The following DRC11L variants were observed in gnomAD, a reference collection of about 807,000 sequenced individuals.
DRC11L encodes dynein regulatory complex subunit like-11.
the DRC11L span, chr7:151,195,503 C>T: frequency 6.3e-5 from 25 of 399,710 alleles, no homozygotes; most frequent in South Asian, 1.3e-4. Flanking sequence ...GAAACGAGTG[C>T]GTAGGTCACT....
the DRC11L span, chr7:151,193,184 C>G: frequency 5.0e-6 from 2 of 398,166 alleles, no homozygotes. Context: ...CAGTTCAGCA[C>G]CTGAAATCAT....
At chr7:151,197,979 CAG>C in the DRC11L span, 1 of 391,672 alleles carries the variant, frequency 2.6e-6, no homozygotes, top group East Asian at 3.6e-5. Flanking sequence ...GATAGGTAGA[CAG>C]AGAGGTGGGT....
At chr7:151,204,537 C>G in the DRC11L span, 2 of 398,740 alleles carry the variant, frequency 5.0e-6, no homozygotes, top group Non-Finnish European at 8.9e-6. Flanking sequence ...CTGCAGCACG[C>G]GGTCCAGGCA....
the DRC11L span, among the ~76,000 whole-genome samples, chr7:151,198,060 A>T: frequency 6.8e-6 from 1 of 147,640 alleles, no homozygotes; most frequent in Non-Finnish European, 1.5e-5. Flanking sequence ...GTGAGTGGGT[A>T]GATGGGCAGA....
chr7:151,196,623 G>C, the DRC11L span: 1 of 399,330 alleles, frequency 2.5e-6, no homozygotes, highest in Non-Finnish European at 4.4e-6. Context: ...GCATTCATGC[G>C]TGCACAAGCA....
the DRC11L span, chr7:151,200,294 G>A: frequency 2.5e-6 from 1 of 399,170 alleles, no homozygotes; most frequent in Non-Finnish European, 4.4e-6. Flanking sequence ...TGGGCACTGT[G>A]GGGCTGGAAG....
At chr7:151,194,109 C>A in the DRC11L span, 1 of 383,070 alleles carries the variant, frequency 2.6e-6, no homozygotes, top group Non-Finnish European at 4.6e-6. Context: ...GGTGTGACCT[C>A]CAGCAGGGCC....
chr7:151,194,437 G>A, the DRC11L span: 7 of 398,816 alleles, frequency 1.8e-5, no homozygotes, highest in Non-Finnish European at 2.2e-5. Context: ...CACAGGGAAG[G>A]CGGGGCTGGT....
At chr7:151,193,153 C>T in the DRC11L span, 183 of 397,856 alleles carry the variant, frequency 4.6e-4, no homozygotes, top group East Asian at 5.1e-3. Context: ...GCTCCTAGCC[C>T]GGTTGGTAGG....
the DRC11L span, among the ~76,000 whole-genome samples, chr7:151,201,783 C>A: frequency 6.6e-6 from 1 of 152,272 alleles, no homozygotes; most frequent in East Asian, 1.9e-4. The surrounding 1 kb of genome is among the most constrained non-coding windows in gnomAD (Gnocchi z 4.1). Flanking sequence ...TGGCAAGAGG[C>A]TTCCATGACA....
chr7:151,192,410 C>T, the DRC11L span: 13 of 399,482 alleles, frequency 3.3e-5, no homozygotes, highest in East Asian at 1.4e-4. Context: ...AGTCAGCAGC[C>T]GCAAGGCCTT....
the DRC11L span, among the ~76,000 whole-genome samples, chr7:151,199,274 C>A: frequency 6.6e-6 from 1 of 152,194 alleles, no homozygotes; most frequent in African/African-American, 2.4e-5. This position sits in a 1 kb window ranked among gnomAD's most constrained non-coding sequence, Gnocchi z 5.2. Flanking sequence ...ATTTCCCCAG[C>A]ACACCCTCCC....
At chr7:151,200,077 C>T in the DRC11L span, among the ~76,000 whole-genome samples, 1 of 152,224 alleles carries the variant, frequency 6.6e-6, no homozygotes, top group Non-Finnish European at 1.5e-5. Context: ...CTCTGGGGTC[C>T]ACCCCTGCAG....
the DRC11L span, chr7:151,204,729 T>C: frequency 2.5e-6 from 1 of 398,922 alleles, no homozygotes; most frequent in African/African-American, 2.1e-5. Flanking sequence ...GAGCCTGTAC[T>C]GGAAGGACTG....
the DRC11L span, chr7:151,204,983 G>A: frequency 2.5e-6 from 1 of 398,020 alleles, no homozygotes; most frequent in Non-Finnish European, 4.4e-6. Flanking sequence ...ATGAGGTAAG[G>A]AGCCCGCAGG....
chr7:151,194,888 C>A, the DRC11L span, among the ~76,000 whole-genome samples: 2 of 152,226 alleles, frequency 1.3e-5, no homozygotes, highest in South Asian at 4.1e-4. Flanking sequence ...TGCCCCCTGA[C>A]CAAAGGTCCA....
the DRC11L span, chr7:151,198,019 T>C: frequency 2.7e-6 from 1 of 370,046 alleles, no homozygotes; most frequent in Admixed American, 4.6e-5. Flanking sequence ...GATGGACAGA[T>C]GGATAGATAG....
At chr7:151,202,567 G>T in the DRC11L span, among the ~76,000 whole-genome samples, 16 of 152,276 alleles carry the variant, frequency 1.1e-4, no homozygotes, top group African/African-American at 3.6e-4. Context: ...ATCTAGTTGT[G>T]GGGGCTGGGC....
the DRC11L span, chr7:151,195,516 G>A: frequency 2.0e-5 from 8 of 399,738 alleles, no homozygotes; most frequent in Admixed American, 1.3e-4. Context: ...AGGTCACTGT[G>A]CCCTGTTCCT....
Sources: gnomAD v4.1 joint callset for allele counts (sites outside exome capture counted in the v4.1 genomes callset) on GRCh38, gnomAD v4.1.1 for gene constraint, Gnocchi (gnomAD v3.1) non-coding constraint, MANE v1.5 for transcripts, NCBI Gene and HGNC (gene_info 2026-07-23, HGNC 2026-07-21) for gene names.